PLEKHA2: variants seen among roughly 807,000 people sequenced by gnomAD.
PLEKHA2 encodes the protein pleckstrin homology domain containing A2.
In PLEKHA2, 28 loss-of-function variants were observed where a neutral mutation model predicts 53.2. The observed-to-expected ratio is 0.53, with a 90% confidence interval of 0.39 to 0.72. The LOEUF (loss-of-function observed/expected upper bound fraction) is 0.72. PLEKHA2 is among the 30% of genes least tolerant of loss of function. PLEKHA2 has a pLI of 0.00. For synonymous variants in PLEKHA2, 193 were observed against 196.4 expected, an observed-to-expected ratio of 0.98 and a Z score of 0.14; for missense variants, 426 against 537.9, an observed-to-expected ratio of 0.79 and a Z score of 2.06.
At chr8:38,916,210 C>T (rs921183344) in intron 1 of PLEKHA2, among the ~76,000 whole-genome samples, 1 of 152,178 alleles carries the variant, frequency 6.6e-6, no homozygotes, top group Non-Finnish European at 1.5e-5. Flanking sequence ...TTCCTGACCT[C>T]AGGTAATCCA....
chr8:38,941,256 A>C (rs184093755), intron 3 of PLEKHA2, among the ~76,000 whole-genome samples: 3,578 of 152,190 alleles, frequency 0.024, 50 homozygotes, highest in Middle Eastern at 0.054. Flanking sequence ...GGGTTTCACC[A>C]TGTTAGTCAG....
chr8:38,945,256 G>T (rs1296606858), intron 4 of PLEKHA2, among the ~76,000 whole-genome samples: 1 of 152,184 alleles, frequency 6.6e-6, no homozygotes, highest in Non-Finnish European at 1.5e-5. Flanking sequence ...AAAGGCAGGG[G>T]TATTCCTCTG....
At position 38,923,578 on chromosome 8, in the gene PLEKHA2, C is replaced by T. The variant is rs190505785; in HGVS notation, c.141+5508C>T. On this transcript the variant is annotated intron_variant, in intron 2 of 11. Transcript: ENST00000617275. The stretch of plus-strand genomic sequence containing the variant: ...AGAAGGAGATCCTGGAGTTCAACAG[C>T]ATTGTTAACACATATTTACTAAATT... Among the ~76,000 whole-genome samples the T allele has an allele frequency of 3.9e-3, 595 of 152,316 alleles. 2 individuals carry two copies. The highest frequency in any genetic ancestry group is 6.3e-3 in the Non-Finnish European group (426 of 68,036).
chr8:38,924,151 G>A lies in PLEKHA2; in HGVS notation c.141+6081G>A, dbSNP rs143308764. ...AGATGTGAGCCACTACGCCTGGCCC[G>A]GTTTTCACTTACAAGATGTCCTTTG... On this transcript the variant is annotated intron_variant, in intron 2 of 11. Transcript: ENST00000617275. Among the ~76,000 whole-genome samples the A allele has an allele frequency of 6.2e-3, 949 of 152,214 alleles. 17 individuals are homozygous for A. The highest frequency in any genetic ancestry group is 0.021 in the African/African-American group (887 of 41,538).
chr8:38,907,685 C>T, intron 1 of PLEKHA2, among the ~76,000 whole-genome samples: 1 of 149,908 alleles, frequency 6.7e-6, no homozygotes, highest in African/African-American at 2.5e-5. Context: ...CGCATGAGCC[C>T]AGGAGGTGGA....
chr8:38,908,422 A>G (rs1045251849), intron 1 of PLEKHA2, among the ~76,000 whole-genome samples: 8 of 152,238 alleles, frequency 5.3e-5, no homozygotes, highest in African/African-American at 1.9e-4. Flanking sequence ...CAAGAGAGCT[A>G]TAATTTAGGG....
At chr8:38,959,022 G>A (rs540873299) in intron 10 of PLEKHA2, among the ~76,000 whole-genome samples, 1 of 152,246 alleles carries the variant, frequency 6.6e-6, no homozygotes, top group African/African-American at 2.4e-5. Context: ...TTGACCTAAT[G>A]TATGCAAATT....
intron 2 of PLEKHA2, among the ~76,000 whole-genome samples, chr8:38,926,838 C>A (rs1374479472): frequency 6.6e-6 from 1 of 152,102 alleles, no homozygotes; most frequent in Non-Finnish European, 1.5e-5. Context: ...TCGCTTGAAC[C>A]CGGGAGGCAG....
chr8:38,936,400 G>A (rs1233369951), intron 3 of PLEKHA2, among the ~76,000 whole-genome samples: 1 of 152,196 alleles, frequency 6.6e-6, no homozygotes, highest in Admixed American at 6.5e-5. Flanking sequence ...AAGGGAACAC[G>A]AAAACAATCA....
At chr8:38,908,113 G>T (rs1387279538) in intron 1 of PLEKHA2, among the ~76,000 whole-genome samples, 1 of 152,130 alleles carries the variant, frequency 6.6e-6, no homozygotes, top group East Asian at 1.9e-4. Flanking sequence ...TTTTCCCAGA[G>T]CACTTTTCAA....
intron 10 of PLEKHA2, among the ~76,000 whole-genome samples, chr8:38,966,149 T>C (rs1835130264): frequency 6.6e-6 from 1 of 152,194 alleles, no homozygotes; most frequent in Non-Finnish European, 1.5e-5. Flanking sequence ...TTTGCCCTCG[T>C]GCACCAGGAC....
chr8:38,928,527 G>A (rs908611919), intron 2 of PLEKHA2, among the ~76,000 whole-genome samples: 2 of 152,076 alleles, frequency 1.3e-5, no homozygotes, highest in Admixed American at 1.3e-4. Flanking sequence ...GAGATTACAG[G>A]CATGAATCAC....
intron 2 of PLEKHA2, among the ~76,000 whole-genome samples, chr8:38,934,234 A>G (rs10094312): frequency 0.21 from 31,252 of 151,926 alleles, 3,394 homozygotes; most frequent in African/African-American, 0.23. Context: ...TCCTGGTCTC[A>G]AGCAGTCCCA....
chr8:38,934,608 A>G (rs1834457783), intron 2 of PLEKHA2, among the ~76,000 whole-genome samples: 1 of 152,142 alleles, frequency 6.6e-6, no homozygotes, highest in African/African-American at 2.4e-5. Context: ...TGACTCTGGC[A>G]TGGGACTGCC....
chr8:38,930,620 C>T (rs902683450), intron 2 of PLEKHA2, among the ~76,000 whole-genome samples: 6 of 151,532 alleles, frequency 4.0e-5, no homozygotes, highest in African/African-American at 7.3e-5. Context: ...CTCGTGGGAT[C>T]GCTGCCAGCG....
At chr8:38,963,414 CCT>C (rs1334124972) in intron 10 of PLEKHA2, among the ~76,000 whole-genome samples, 4 of 152,002 alleles carry the variant, frequency 2.6e-5, no homozygotes, top group Non-Finnish European at 5.9e-5. Flanking sequence ...TTTTTTTAAA[CCT>C]CTGTTTCATG....
At chr8:38,930,996 C>T (rs1834382804) in intron 2 of PLEKHA2, among the ~76,000 whole-genome samples, 1 of 152,022 alleles carries the variant, frequency 6.6e-6, no homozygotes, top group Admixed American at 6.6e-5. Flanking sequence ...CCGAGGTGGC[C>T]AGGAGACATG....
intron 1 of PLEKHA2, among the ~76,000 whole-genome samples, chr8:38,913,121 T>C (rs1588235141): frequency 6.6e-6 from 1 of 152,100 alleles, no homozygotes; most frequent in Admixed American, 6.5e-5. Context: ...CCCAGCACTT[T>C]GGGAGGCCGA....
chr8:38,911,493 T>A (rs536835319), intron 1 of PLEKHA2, among the ~76,000 whole-genome samples: 2 of 152,226 alleles, frequency 1.3e-5, no homozygotes, highest in South Asian at 4.2e-4. Context: ...TGCTTCGGCC[T>A]CCCAAAGTGC....
Sources: allele counts gnomAD v4.1 joint callset (sites outside exome capture counted in the v4.1 genomes callset), GRCh38; gene constraint gnomAD v4.1.1; transcripts MANE v1.5; gene names NCBI Gene and HGNC (gene_info 2026-07-23, HGNC 2026-07-21).